SNURF: variants seen among roughly 807,000 people sequenced by gnomAD.
The protein encoded by SNURF is SNRPN upstream open reading frame.
SNURF carries 6 observed loss-of-function variants against 11.6 expected under a neutral mutation model. The observed-to-expected ratio is 0.52, with a 90% confidence interval of 0.28 to 1.02. The LOEUF (loss-of-function observed/expected upper bound fraction) is 1.02. Among genes scored for constraint, SNURF ranks in the 50% least tolerant of loss-of-function variants. The pLI is 0.09. For synonymous variants in SNURF, 29 were observed against 31.6 expected, an observed-to-expected ratio of 0.92 and a Z score of 0.27; for missense variants, 84 against 88.4, an observed-to-expected ratio of 0.95 and a Z score of 0.20.
intron 2 of SNURF, 105 bp from the exon 3 acceptor site, chr15:24,967,827 A>G: frequency 1.1e-6 from 1 of 926,238 alleles, no homozygotes; most frequent in South Asian, 1.5e-5. Context: ...AAAAAAAAAA[A>G]AGGAATATCT....
At chr15:24,977,048 G>T in intron 6 of SNURF, 2 of 1,540,390 alleles carry the variant, frequency 1.3e-6, no homozygotes, top group East Asian at 2.3e-5. Flanking sequence ...CCAGCAGAGG[G>T]TTTTATATTA....
chr15:24,958,670 A>G (rs914385562), intron 1 of SNURF: 21 of 152,078 alleles, frequency 1.4e-4, no homozygotes, highest in African/African-American at 3.1e-4. Flanking sequence ...TTTGGAGGCA[A>G]TGAGGTTTCT....
chr15:24,964,938 G>T (rs1395409513), intron 2 of SNURF, among the ~76,000 whole-genome samples: 2 of 152,124 alleles, frequency 1.3e-5, no homozygotes, highest in Non-Finnish European at 2.9e-5. Flanking sequence ...GCATATATAT[G>T]TACAAATACT....
chr15:24,976,442 A>G, intron 5 of SNURF: 1 of 1,466,594 alleles, frequency 6.8e-7, no homozygotes, highest in Non-Finnish European at 9.5e-7. Flanking sequence ...GGCAGGACAG[A>G]ACTTTAATTT....
intron 2 of SNURF, among the ~76,000 whole-genome samples, chr15:24,964,106 T>G (rs1463104641): frequency 6.6e-6 from 1 of 151,610 alleles, no homozygotes; most frequent in Non-Finnish European, 1.5e-5. Context: ...TTTTTTTTTA[T>G]TTTTTCCTAT....
intron 1 of SNURF, among the ~76,000 whole-genome samples, chr15:24,960,100 A>G (rs1183261457): frequency 6.6e-6 from 1 of 152,144 alleles, no homozygotes; most frequent in Admixed American, 6.5e-5. Context: ...CCCTGTCTCT[A>G]CTATAAATAC....
chr15:24,956,717 T>C (rs554032762), intron 1 of SNURF, among the ~76,000 whole-genome samples: 1 of 152,078 alleles, frequency 6.6e-6, no homozygotes, highest in Admixed American at 6.5e-5. Context: ...AGGAGGGAGA[T>C]GGGTTGGCGC....
chr15:24,973,011 C>T (rs1031856867), downstream of SNURF, among the ~76,000 whole-genome samples: 3 of 151,884 alleles, frequency 2.0e-5, no homozygotes, highest in African/African-American at 7.3e-5. Flanking sequence ...CCTCAGCCTC[C>T]TGAGTAGCTG....
chr15:24,970,471 C>T (rs1020351079), downstream of SNURF, among the ~76,000 whole-genome samples: 2 of 151,744 alleles, frequency 1.3e-5, no homozygotes, highest in African/African-American at 2.4e-5. Flanking sequence ...CCCAGCTACT[C>T]GGGAGGCTGA....
intron 3 of SNURF, chr15:24,974,657 G>A: frequency 1.6e-6 from 1 of 641,058 alleles, no homozygotes; most frequent in Non-Finnish European, 2.8e-6. Flanking sequence ...GTCTTGCTCT[G>A]TCTCCCAGTC....
exon 4 of SNURF, chr15:24,975,391 A>G (rs868658515): frequency 1.3e-5 from 21 of 1,613,762 alleles, no homozygotes; most frequent in Non-Finnish European, 1.8e-5. Context: ...GCTGCAGCAC[A>G]TTGACTATAG....
chr15:24,975,785 G>T (rs1183651906), intron 4 of SNURF, among the ~76,000 whole-genome samples: 1 of 152,130 alleles, frequency 6.6e-6, no homozygotes, highest in Admixed American at 6.5e-5. Context: ...TGAGAAAAAT[G>T]CTATATTAAT....
chr15:24,955,197 A>G, intron 1 of SNURF, 135 bp downstream of exon 1: 3 of 1,220,042 alleles, frequency 2.5e-6, no homozygotes, highest in South Asian at 1.3e-5. Context: ...TGTTCTGGAG[A>G]ACCAGATCCG....
intron 3 of SNURF, chr15:24,974,820 A>T: frequency 1.5e-6 from 1 of 662,716 alleles, no homozygotes; most frequent in Non-Finnish European, 2.7e-6. Flanking sequence ...CGGCCTCCCA[A>T]AGTGCTGGGA....
intron 2 of SNURF, among the ~76,000 whole-genome samples, chr15:24,965,451 C>A (rs184866274): frequency 6.6e-6 from 1 of 152,164 alleles, no homozygotes; most frequent in African/African-American, 2.4e-5. Context: ...GTGGAAGAAT[C>A]GCTTGAACCT....
chr15:24,971,996 C>G (rs955179689), downstream of SNURF, among the ~76,000 whole-genome samples: 1 of 152,170 alleles, frequency 6.6e-6, no homozygotes. Context: ...TGGCTCATGC[C>G]TGTAATCCTA....
At chr15:24,974,138 TGA>T (rs1378203379) in intron 3 of SNURF, 1 of 362,706 alleles carries the variant, frequency 2.8e-6, no homozygotes, top group Non-Finnish European at 5.0e-6. Flanking sequence ...GTGTCAAATG[TGA>T]GAGTTAAGAA....
chr15:24,968,605 A>G (rs1442580988), downstream of SNURF, among the ~76,000 whole-genome samples: 3 of 152,170 alleles, frequency 2.0e-5, no homozygotes, highest in South Asian at 4.1e-4. Flanking sequence ...GCCAGTTACA[A>G]CATACTTTCA....
At chr15:24,970,159 C>A (rs1284592824), downstream of SNURF, among the ~76,000 whole-genome samples, 1 of 152,152 alleles carries the variant, frequency 6.6e-6, no homozygotes, top group Non-Finnish European at 1.5e-5. Context: ...GGGAAGGGAT[C>A]AGTCTAAGAG....
Sources: gnomAD v4.1 joint callset for allele counts (sites outside exome capture counted in the v4.1 genomes callset) on GRCh38, gnomAD v4.1.1 for gene constraint, MANE v1.5 for transcripts, NCBI Gene and HGNC (gene_info 2026-07-23, HGNC 2026-07-21) for gene names.